Variants in CSMD1 observed in about 807,000 individuals in gnomAD.
CSMD1 encodes the protein CUB and Sushi multiple domains 1.
CSMD1 carries 213 observed loss-of-function variants against 417.5 expected under a neutral mutation model. The ratio of observed to expected loss-of-function variants is 0.51; its 90% confidence interval spans 0.46 to 0.57. The LOEUF is 0.57. Among genes scored for constraint, CSMD1 ranks in the 20% least tolerant of loss-of-function variants. The pLI, the probability that CSMD1 is intolerant of heterozygous loss-of-function variation, is 0.00. For synonymous variants in CSMD1, 2,862 were observed against 1,736.8 expected (o/e 1.65, Z -16.11); for missense variants, 6,923 against 4,529.7 (o/e 1.53, Z -15.17).
intron 17 of CSMD1, among the ~76,000 whole-genome samples, chr8:3,389,983 G>T (rs991081040): frequency 2.0e-5 from 3 of 152,116 alleles, no homozygotes; most frequent in African/African-American, 7.2e-5. Context: ...GTAGAATTAT[G>T]ATACTACATT....
chr8:3,335,450 G>A (rs558139937), intron 23 of CSMD1, among the ~76,000 whole-genome samples: 2 of 152,176 alleles, frequency 1.3e-5, no homozygotes, highest in Admixed American at 1.3e-4. Context: ...GGCCAAGGCG[G>A]GTGGATCATC....
chr8:4,252,771 C>T (rs1427273621), intron 3 of CSMD1, among the ~76,000 whole-genome samples: 2 of 152,232 alleles, frequency 1.3e-5, no homozygotes, highest in African/African-American at 4.8e-5. Context: ...GGCAGACATA[C>T]ACCACTGACA....
chr8:3,059,041 T>A (rs1812414870), intron 49 of CSMD1, among the ~76,000 whole-genome samples: 1 of 152,018 alleles, frequency 6.6e-6, no homozygotes, highest in African/African-American at 2.4e-5. Context: ...TTTTTTCCGC[T>A]AACCCTGCGC....
At position 3,372,411 on chromosome 8, in the gene CSMD1, C is replaced by T. The variant is rs186246122; in HGVS notation, c.2783-3041G>A. On this transcript the variant is annotated intron_variant, in intron 18 of 69. Coordinates refer to ENST00000635120, the MANE Select transcript of CSMD1 (RefSeq NM_033225.6). ...GAAAACGACACGATCTCATGACCTACCTGGGGTTTAGCCCTGCTCCTGAGG... is the reference window on the plus strand; with the variant it reads ...GAAAACGACACGATCTCATGACCTATCTGGGGTTTAGCCCTGCTCCTGAGG... Among the ~76,000 whole-genome samples the T allele has an allele frequency of 5.9e-5, 9 of 152,176 alleles. No homozygotes were observed. In the East Asian group the frequency reaches 1.6e-3, roughly 26 times the overall value.
At chr8:4,322,958 C>G (rs1206530362) in intron 3 of CSMD1, among the ~76,000 whole-genome samples, 3 of 152,206 alleles carry the variant, frequency 2.0e-5, no homozygotes, top group Non-Finnish European at 4.4e-5. Context: ...GCAACCCAGC[C>G]TGGGTGACAG....
At chr8:4,788,383 G>C (rs1377862216) in intron 1 of CSMD1, 2 of 1,423,946 alleles carry the variant, frequency 1.4e-6, no homozygotes, top group Non-Finnish European at 2.0e-6. Context: ...CCAGACTGGG[G>C]AGCTCAGGAT....
intron 3 of CSMD1, among the ~76,000 whole-genome samples, chr8:4,366,050 C>G (rs940553710): frequency 3.9e-5 from 6 of 152,070 alleles, no homozygotes; most frequent in African/African-American, 1.4e-4. Context: ...CAGTACCTGA[C>G]AGATAGCCTT....
chr8:3,168,631 T>TCACACACACACACACACACA (rs59927132), intron 37 of CSMD1, among the ~76,000 whole-genome samples: 13 of 148,804 alleles, frequency 8.7e-5, no homozygotes, highest in African/African-American at 3.0e-4. Flanking sequence ...TAAGTCTTCA[T>TCACACACACACACACACACA]CACACACACA....
chr8:4,276,195 A>G lies in CSMD1; in HGVS notation c.415+143758T>C, dbSNP rs4559263. Among the ~76,000 whole-genome samples, 1,280 of 152,332 alleles carry G rather than the reference A, an allele frequency of 8.4e-3. 59 individuals carry two copies. The East Asian group carries it at 0.13, about 15-fold the overall frequency. On this transcript the variant is annotated intron_variant, in intron 3 of 69. Transcript: ENST00000635120. ...ACATATGCTTATTGCAGCACTGTTC[A>G]CAATAGCAAAGACCTGGAACTAACG...
intron 1 of CSMD1, among the ~76,000 whole-genome samples, chr8:4,828,451 A>C (rs78099608): frequency 0.026 from 3,965 of 152,232 alleles, 65 homozygotes; most frequent in Non-Finnish European, 0.04. Context: ...ATCTTCTCTC[A>C]GCCAAATTCA....
intron 30 of CSMD1, among the ~76,000 whole-genome samples, chr8:3,206,245 T>A (rs1797247150): frequency 8.7e-6 from 1 of 114,612 alleles, no homozygotes; most frequent in Non-Finnish European, 1.8e-5. Flanking sequence ...TGTATGTGTG[T>A]GGGGGGTATG....
chr8:3,797,167 A>C (rs1339390614), intron 5 of CSMD1, among the ~76,000 whole-genome samples: 3 of 151,966 alleles, frequency 2.0e-5, no homozygotes, highest in African/African-American at 7.2e-5. Context: ...TTGAATTTCA[A>C]AGTCTATTCA....
At chr8:3,261,155 CTA>C (rs1205021499) in intron 26 of CSMD1, among the ~76,000 whole-genome samples, 1 of 152,144 alleles carries the variant, frequency 6.6e-6, no homozygotes, top group Non-Finnish European at 1.5e-5. Flanking sequence ...AAAATTTCTA[CTA>C]TATATGTTTT....
At chr8:3,219,128 A>G in intron 29 of CSMD1, 127 bp downstream of exon 29, 1 of 700,860 alleles carries the variant, frequency 1.4e-6, no homozygotes, top group Non-Finnish European at 2.3e-6. Flanking sequence ...GTATCTTCCC[A>G]GACAGAGGAG....
At chr8:3,015,268 A>C (rs1585153262) in intron 52 of CSMD1, among the ~76,000 whole-genome samples, 1 of 152,140 alleles carries the variant, frequency 6.6e-6, no homozygotes, top group Non-Finnish European at 1.5e-5. Flanking sequence ...TTAAAAACGC[A>C]TTGCATTCTC....
intron 3 of CSMD1, among the ~76,000 whole-genome samples, chr8:4,283,413 A>G (rs927461046): frequency 6.6e-6 from 1 of 152,190 alleles, no homozygotes; most frequent in Non-Finnish European, 1.5e-5. Context: ...CTAAGAACAC[A>G]TTCTTTTCAT....
chr8:4,933,347 TC>T (rs1167417365), intron 1 of CSMD1, among the ~76,000 whole-genome samples: 1 of 152,132 alleles, frequency 6.6e-6, no homozygotes, highest in Non-Finnish European at 1.5e-5. Flanking sequence ...AAATATAGTA[TC>T]CCCCATTTTG....
At position 3,358,944 on chromosome 8, in the gene CSMD1, G is replaced by C. The variant is rs184113929; in HGVS notation, c.3304+208C>G. 8.6e-4 allele frequency among the ~76,000 whole-genome samples: 131 copies of C among 152,134 alleles called. No homozygotes were observed. In the Middle Eastern group the frequency reaches 0.031, roughly 36 times the overall value. On this transcript the variant is annotated intron_variant, in intron 21 of 69. Coordinates refer to ENST00000635120, the MANE Select transcript of CSMD1 (RefSeq NM_033225.6). ...TGTTCAATCATAAAATTTCAGAGCT[G>C]AAAGGGACTTACTTTATAGATGAGC...
Position 3,097,141 on chromosome 8 carries a change from A to G in CSMD1, c.6950-104T>C, listed in dbSNP as rs74629050. The G allele has an allele frequency of 4.8e-3, 4,500 of 935,110 alleles. 167 individuals carry two copies. In the African/African-American group the frequency reaches 0.066, roughly 14 times the overall value. The allele number at this position is 935,110 out of a possible 1,614,324, so 57.9% of individuals were successfully genotyped here. A position where few individuals can be genotyped will look rare whatever the true frequency, so the allele number is the denominator to read the frequency against. Reference sequence around the variant, plus strand: ...AAACAAGTCAATGAAAGGAAAAAGCAATCTTATTGAGCTCTGGCCAAATTT... The same window carrying G: ...AAACAAGTCAATGAAAGGAAAAAGCGATCTTATTGAGCTCTGGCCAAATTT... On this transcript the variant is annotated intron_variant, in intron 46 of 69. Transcript: ENST00000635120.
Sources: gnomAD v4.1 joint callset for allele counts (sites outside exome capture counted in the v4.1 genomes callset) on GRCh38, gnomAD v4.1.1 for gene constraint, MANE v1.5 for transcripts, NCBI Gene and HGNC (gene_info 2026-07-23, HGNC 2026-07-21) for gene names.